The following GUCY1A2 variants were observed in gnomAD, a reference collection of about 807,000 sequenced individuals.
The protein encoded by GUCY1A2 is guanylate cyclase soluble subunit alpha-2.
In GUCY1A2, 27 loss-of-function variants were observed where a neutral mutation model predicts 63.5. That is an observed-to-expected ratio of 0.43 (90% confidence interval 0.31 to 0.59). The LOEUF is 0.59. Ranked by LOEUF, GUCY1A2 falls within the 20% of genes least tolerant of loss-of-function variation. GUCY1A2 has a pLI of 0.11. For missense variants in GUCY1A2, 768 were observed against 913.3 expected, an observed-to-expected ratio of 0.84 and a Z score of 2.05; for synonymous variants, 364 against 343.5, an observed-to-expected ratio of 1.06 and a Z score of -0.66.
intron 5 of GUCY1A2, among the ~76,000 whole-genome samples, chr11:106,782,545 G>A (rs1318893471): frequency 1.3e-5 from 2 of 152,138 alleles, no homozygotes; most frequent in Admixed American, 6.5e-5. Context: ...TATTTCCCTT[G>A]CTGAGAGAAC....
At chr11:106,751,790 A>G (rs1863886442) in intron 6 of GUCY1A2, among the ~76,000 whole-genome samples, 1 of 152,186 alleles carries the variant, frequency 6.6e-6, no homozygotes, top group African/African-American at 2.4e-5. Context: ...AGCACATGGT[A>G]GTGTCTTGAT....
At chr11:106,969,064 T>C (rs973575843) in intron 3 of GUCY1A2, among the ~76,000 whole-genome samples, 4 of 152,008 alleles carry the variant, frequency 2.6e-5, no homozygotes, top group African/African-American at 9.7e-5. Flanking sequence ...TCAAAGAAAA[T>C]AAGAGATTAA....
intron 4 of GUCY1A2, among the ~76,000 whole-genome samples, chr11:106,890,675 T>A (rs1019475491): frequency 1.3e-5 from 2 of 152,186 alleles, no homozygotes; most frequent in Non-Finnish European, 2.9e-5. Flanking sequence ...TTCATCTAGT[T>A]GATTACACAC....
chr11:106,868,332 G>A (rs1228500218), intron 4 of GUCY1A2, among the ~76,000 whole-genome samples: 2 of 151,990 alleles, frequency 1.3e-5, no homozygotes, highest in Non-Finnish European at 2.9e-5. Flanking sequence ...GTTTGCAGAT[G>A]ACTTGATTGT....
intron 6 of GUCY1A2, among the ~76,000 whole-genome samples, chr11:106,730,534 T>G (rs35674271): frequency 2.0e-5 from 3 of 152,128 alleles, no homozygotes; most frequent in Non-Finnish European, 4.4e-5. Flanking sequence ...ACATTTAGGT[T>G]GATTCTATAT....
At chr11:106,703,198 T>C (rs1335262864) in intron 7 of GUCY1A2, among the ~76,000 whole-genome samples, 1 of 152,170 alleles carries the variant, frequency 6.6e-6, no homozygotes, top group Non-Finnish European at 1.5e-5. Flanking sequence ...GCTGCTCAGC[T>C]TGCAGACGCC....
chr11:106,682,996 T>C lies in GUCY1A2; in HGVS notation c.*4553A>G, dbSNP rs1200358439. 9.2e-6 allele frequency: 2 copies of C among 216,742 alleles called. No individual in the cohort carries two copies. Among genetic ancestry groups the C allele is most frequent in the Non-Finnish European group, 1.9e-5 (2 of 107,660 alleles). 13.4% of individuals were successfully genotyped at this position (216,742 alleles called of 1,614,324 possible). A position where few individuals can be genotyped will look rare whatever the true frequency, so the allele number is the denominator to read the frequency against. On this transcript the variant is annotated 3_prime_UTR_variant, in exon 8 of 8. Coordinates refer to ENST00000526355, the MANE Select transcript of GUCY1A2 (RefSeq NM_000855.3). ...TTCACCACTACGAGGATCTTGAAAT[T>C]GAGTCCATAGCTGAGGTCAACTTAC...
intron 7 of GUCY1A2, among the ~76,000 whole-genome samples, chr11:106,703,450 A>G (rs1862851644): frequency 1.3e-5 from 2 of 152,190 alleles, no homozygotes; most frequent in Admixed American, 6.5e-5. Context: ...TAAAAGTAGA[A>G]GAGGGAGGAA....
In GUCY1A2 at chr11:106,730,400, C is replaced by G. The variant is rs186862136; in HGVS notation, c.1837-21734G>C. Among the ~76,000 whole-genome samples the G allele has an allele frequency of 4.6e-5, 7 of 151,996 alleles. No homozygotes were observed. The East Asian group carries it at 7.8e-4, about 17-fold the overall frequency. On this transcript the variant is annotated intron_variant, in intron 6 of 7. Transcript: ENST00000526355. ...TTCTGTTCCTGTGTTAGTTCACTTA[C>G]AATAATGGCTTCAGCTCCATCCATG... is the stretch of plus-strand genomic sequence containing the variant.
intron 6 of GUCY1A2, among the ~76,000 whole-genome samples, chr11:106,748,834 G>A (rs1435879542): frequency 6.6e-6 from 1 of 150,914 alleles, no homozygotes; most frequent in East Asian, 1.9e-4. Flanking sequence ...ATGAAGAGCA[G>A]TGTTTAATTA....
chr11:106,963,307 A>G (rs1055072825), intron 3 of GUCY1A2, among the ~76,000 whole-genome samples: 3 of 152,224 alleles, frequency 2.0e-5, no homozygotes, highest in Non-Finnish European at 4.4e-5. Flanking sequence ...TCATAATAGT[A>G]AAGGGATGAC....
intron 6 of GUCY1A2, among the ~76,000 whole-genome samples, chr11:106,769,685 T>C (rs1165174934): frequency 6.6e-6 from 1 of 152,120 alleles, no homozygotes; most frequent in Non-Finnish European, 1.5e-5. Flanking sequence ...ACTGTTACAA[T>C]AGAACACTGA....
intron 6 of GUCY1A2, among the ~76,000 whole-genome samples, chr11:106,749,540 G>A (rs1863849008): frequency 6.6e-6 from 1 of 152,060 alleles, no homozygotes; most frequent in Non-Finnish European, 1.5e-5. Context: ...TTGCCTTGAG[G>A]TAAGTTAATG....
intron 4 of GUCY1A2, among the ~76,000 whole-genome samples, chr11:106,902,214 A>T (rs552918355): frequency 6.6e-6 from 1 of 152,296 alleles, no homozygotes; most frequent in South Asian, 2.1e-4. Flanking sequence ...TTTTGAAAGG[A>T]ATCTCTTTTA....
intron 6 of GUCY1A2, among the ~76,000 whole-genome samples, chr11:106,770,832 T>C (rs887279448): frequency 6.0e-5 from 1 of 16,684 alleles, no homozygotes; most frequent in East Asian, 1.7e-3. Flanking sequence ...TTTAGCAATC[T>C]CAATTGCAAA....
chr11:106,751,867 T>C (rs1284697054), intron 6 of GUCY1A2, among the ~76,000 whole-genome samples: 1 of 152,182 alleles, frequency 6.6e-6, no homozygotes, highest in Admixed American at 6.5e-5. Flanking sequence ...TATCAGGATA[T>C]AATTTTCCAT....
intron 6 of GUCY1A2, among the ~76,000 whole-genome samples, chr11:106,748,957 TAC>T: frequency 6.6e-6 from 1 of 152,238 alleles, no homozygotes; most frequent in East Asian, 1.9e-4. Context: ...TAGAATCATA[TAC>T]AGTCATGTGT....
intron 1 of GUCY1A2, among the ~76,000 whole-genome samples, chr11:106,988,448 G>T (rs192605691): frequency 6.5e-4 from 99 of 152,304 alleles, no homozygotes; most frequent in Admixed American, 2.9e-3. Flanking sequence ...AGACCAGAAT[G>T]ACCTCATTTG....
intron 6 of GUCY1A2, among the ~76,000 whole-genome samples, chr11:106,722,653 A>C (rs761734272): frequency 6.6e-6 from 1 of 152,106 alleles, no homozygotes; most frequent in Non-Finnish European, 1.5e-5. Flanking sequence ...GCTTGGTAGT[A>C]TTTATTTACG....
Sources: allele counts gnomAD v4.1 joint callset (sites outside exome capture counted in the v4.1 genomes callset), GRCh38; gene constraint gnomAD v4.1.1; transcripts MANE v1.5; gene names NCBI Gene and HGNC (gene_info 2026-07-23, HGNC 2026-07-21).